LAMB4: variants seen among roughly 807,000 people sequenced by gnomAD.
LAMB4 encodes laminin subunit beta-4.
In LAMB4, 196 loss-of-function variants were observed where a neutral mutation model predicts 199.2. The observed-to-expected ratio is 0.98, with a 90% CI of 0.88 to 1.11. The LOEUF (loss-of-function observed/expected upper bound fraction) is 1.11. Among genes scored for constraint, LAMB4 ranks in the 50% least tolerant of loss-of-function variants. The pLI, the probability that LAMB4 is intolerant of heterozygous loss-of-function variation, is 0.00. For missense variants in LAMB4, 2,080 were observed against 2,171.2 expected, an observed-to-expected ratio of 0.96 and a Z score of 0.83; for synonymous variants, 744 against 770.6, an observed-to-expected ratio of 0.97 and a Z score of 0.57.
In LAMB4 at chr7:108,088,389, C is replaced by A. The variant is rs538690671; in HGVS notation, c.1701+3237G>T. Among the ~76,000 whole-genome samples the A allele has an allele frequency of 3.9e-5, 6 of 152,280 alleles. No homozygotes were observed. The South Asian group carries it at 1.2e-3, about 32-fold the overall frequency. On this transcript the variant is annotated intron_variant, in intron 14 of 33. Coordinates refer to ENST00000388781, the MANE Select transcript of LAMB4 (RefSeq NM_007356.3). ...TGGTTGGCCAGGCTAGTCTCAAACTCCTGACCTCAGGTGACCTGCTCGCCT... is the reference window on the plus strand; with the variant it reads ...TGGTTGGCCAGGCTAGTCTCAAACTACTGACCTCAGGTGACCTGCTCGCCT...
intron 8 of LAMB4, 22 bp from the exon 9 acceptor site, chr7:108,104,641 G>A (rs754083536): frequency 2.5e-6 from 4 of 1,610,552 alleles, no homozygotes; most frequent in South Asian, 1.1e-5. Flanking sequence ...AATAAATAGA[G>A]CGTTGAAAGA....
intron 28 of LAMB4, chr7:108,044,107 T>C (rs2035534894): frequency 2.3e-6 from 1 of 432,998 alleles, no homozygotes. Flanking sequence ...TTATCATTAA[T>C]TTATCTTTTA....
chr7:108,023,512 A>G (rs1178326858), downstream of LAMB4: 1 of 152,228 alleles, frequency 6.6e-6, no homozygotes, highest in Admixed American at 6.5e-5. Context: ...TCCCTGGCTG[A>G]GAATGACCAT....
At chr7:108,030,130 A>G (rs1250615661) in intron 32 of LAMB4, among the ~76,000 whole-genome samples, 4 of 152,136 alleles carry the variant, frequency 2.6e-5, no homozygotes, top group Non-Finnish European at 5.9e-5. Context: ...AAAAAAAAAA[A>G]AAAGAACTTT....
At chr7:108,041,747 G>A (rs1040588850) in intron 29 of LAMB4, among the ~76,000 whole-genome samples, 1 of 152,156 alleles carries the variant, frequency 6.6e-6, no homozygotes, top group African/African-American at 2.4e-5. Flanking sequence ...CCTTTTGGAA[G>A]GTGGAGGGTG....
At position 108,030,817 on chromosome 7, in the gene LAMB4, T is replaced by TG; in HGVS notation, c.4980_4981insC (p.Ser1661GlnfsTer3). 4 of 1,614,040 alleles carry TG rather than the reference T, an allele frequency of 2.5e-6. No individual in the cohort carries two copies. The highest frequency in any genetic ancestry group is 3.4e-6 in the Non-Finnish European group (4 of 1,179,962). On this transcript the variant is annotated frameshift_variant, in exon 32 of 34. Transcript: ENST00000388781. LOFTEE classifies it high-confidence loss of function. ...GTAGAACTAATGACCTTCTCAAGAC[T>TG]CCCAGCCTGGTGTTGGGCAGATTCA...
intron 4 of LAMB4, among the ~76,000 whole-genome samples, chr7:108,109,940 A>AT (rs200504861): frequency 0.019 from 2,967 of 152,374 alleles, 49 homozygotes; most frequent in Middle Eastern, 0.044. Flanking sequence ...TAGCAGCCAC[A>AT]TTAAAAAAGG....
intron 32 of LAMB4, among the ~76,000 whole-genome samples, chr7:108,030,117 A>AT (rs1470480207): frequency 5.4e-5 from 8 of 147,140 alleles, no homozygotes; most frequent in Non-Finnish European, 1.2e-4. Flanking sequence ...ACTCTGTCTC[A>AT]CAAAAAAAAA....
chr7:108,049,825 AT>A (rs909222092), intron 26 of LAMB4, among the ~76,000 whole-genome samples: 4 of 152,202 alleles, frequency 2.6e-5, no homozygotes, highest in Admixed American at 2.6e-4. Flanking sequence ...TTCATCTCTT[AT>A]ATTTCATTTC....
At chr7:108,074,046 C>T (rs1161578173) in intron 17 of LAMB4, among the ~76,000 whole-genome samples, 1 of 152,160 alleles carries the variant, frequency 6.6e-6, no homozygotes, top group Non-Finnish European at 1.5e-5. Flanking sequence ...GCAATCCAGG[C>T]TCCAGAGCTC....
chr7:108,090,194 C>G (rs989421899), intron 14 of LAMB4, among the ~76,000 whole-genome samples: 6 of 152,176 alleles, frequency 3.9e-5, no homozygotes, highest in Admixed American at 1.3e-4. Flanking sequence ...GCAACAGTAA[C>G]AGCATAGCAA....
At chr7:108,098,371 GAC>G (rs1491335588) in intron 11 of LAMB4, 30 bp downstream of exon 11, 84 of 1,560,174 alleles carry the variant, frequency 5.4e-5, no homozygotes, top group Non-Finnish European at 6.8e-5. Context: ...GGGGTTGATG[GAC>G]ACTCCCCCGA....
In LAMB4 at chr7:108,063,076, C is replaced by A. The variant is rs1292223882; in HGVS notation, c.3062-82G>T. 6.5e-6 allele frequency: 5 copies of A among 775,162 alleles called. No homozygotes were observed. In the East Asian group the frequency reaches 1.5e-4, roughly 23 times the overall value. 48.0% of individuals were successfully genotyped at this position (775,162 alleles called of 1,614,324 possible). On this transcript the variant is annotated intron_variant, in intron 22 of 33. Coordinates refer to ENST00000388781, the MANE Select transcript of LAMB4 (RefSeq NM_007356.3). ...AAACCATACAAACAGCGTTTTAGAC[C>A]TGGATGTATCATTTCTCCAAGGGGC...
intron 23 of LAMB4, among the ~76,000 whole-genome samples, chr7:108,062,016 T>A (rs951323455): frequency 2.0e-5 from 3 of 152,222 alleles, no homozygotes; most frequent in African/African-American, 7.2e-5. Flanking sequence ...TTTCTTGTCA[T>A]TGTTTTTACC....
chr7:108,089,236 T>C lies in LAMB4; in HGVS notation c.1701+2390A>G, dbSNP rs73424763. Among the ~76,000 whole-genome samples, 617 of 152,268 alleles carry C rather than the reference T, an allele frequency of 4.1e-3. 7 individuals carry two copies. The highest frequency in any genetic ancestry group is 0.014 in the African/African-American group (586 of 41,554). ...CAGTCTCTTTGAACATGGTGCAGTA[T>C]CTACTGAGGTCAATAGGGGCCCAGC... On this transcript the variant is annotated intron_variant, in intron 14 of 33. Transcript: ENST00000388781.
At chr7:108,109,471 G>A (rs185178924) in intron 4 of LAMB4, among the ~76,000 whole-genome samples, 2 of 152,188 alleles carry the variant, frequency 1.3e-5, no homozygotes, top group Non-Finnish European at 2.9e-5. Context: ...TGTTTTAGTG[G>A]CAACACACAT....
chr7:108,082,329 T>TG (rs1406917647), intron 14 of LAMB4, among the ~76,000 whole-genome samples: 1 of 104,650 alleles, frequency 9.6e-6, no homozygotes, highest in African/African-American at 3.8e-5. Context: ...GACTCCGTCT[T>TG]AAAAAAAAAA....
intron 10 of LAMB4, among the ~76,000 whole-genome samples, chr7:108,101,226 GC>G (rs1383228924): frequency 5.3e-5 from 8 of 152,152 alleles, no homozygotes; most frequent in Admixed American, 1.3e-4. Context: ...AAGTGTGCCA[GC>G]CGTTCAAGTC....
chr7:108,103,861 T>G (rs2037904361), intron 9 of LAMB4, among the ~76,000 whole-genome samples: 1 of 152,240 alleles, frequency 6.6e-6, no homozygotes, highest in South Asian at 2.1e-4. Flanking sequence ...ATACTGTGAC[T>G]CTCATGGATG....
Sources: allele counts gnomAD v4.1 joint callset (sites outside exome capture counted in the v4.1 genomes callset), GRCh38; gene constraint gnomAD v4.1.1; transcripts MANE v1.5; gene names NCBI Gene and HGNC (gene_info 2026-07-23, HGNC 2026-07-21).